DHX57: variants seen among roughly 807,000 people sequenced by gnomAD.
DHX57 encodes the protein putative ATP-dependent RNA helicase DHX57.
Under a neutral mutation model 156.2 loss-of-function variants are expected in DHX57, and 105 were observed. The ratio of observed to expected loss-of-function variants is 0.67; its 90% CI spans 0.57 to 0.79. DHX57 has a LOEUF of 0.79. DHX57 is among the 30% of genes least tolerant of loss of function. The pLI is 0.00. For synonymous variants in DHX57, 704 were observed against 595.6 expected (o/e 1.18, Z -2.65); for missense variants, 1,847 against 1,661.9 (o/e 1.11, Z -1.94).
chr2:38,826,581 A>G lies in DHX57; in HGVS notation c.2748T>C (p.Ala916=), dbSNP rs762561713. The change falls in exon 15 of 24, where the codon GCT becomes GCC. Residue 916 remains alanine (A), a synonymous_variant. Transcript: ENST00000457308. ...CATCATCGATGGTTATGGATGTCTC[A>G]GCAATGTTGGTGGAAATTATAATCT... ...VTKIIISTNI[A]ETSITIDDVV... 3 of 1,614,182 alleles carry G rather than the reference A, an allele frequency of 1.9e-6. No homozygotes were observed. The highest frequency in any genetic ancestry group is 1.7e-5 in the Admixed American group (1 of 60,016).
chr2:38,809,610 C>T (rs534660817), intron 21 of DHX57, among the ~76,000 whole-genome samples: 162 of 150,778 alleles, frequency 1.1e-3, no homozygotes, highest in African/African-American at 3.7e-3. Flanking sequence ...AACAGGCACC[C>T]GCCACCATGC....
chr2:38,834,200 G>C (rs1249371844), intron 13 of DHX57, among the ~76,000 whole-genome samples: 1 of 151,432 alleles, frequency 6.6e-6, no homozygotes, highest in Non-Finnish European at 1.5e-5. Flanking sequence ...GTGTGGTGGC[G>C]CATGCCTGTA....
At chr2:38,826,785 C>T in intron 14 of DHX57, 96 bp from the exon 15 acceptor site, 4 of 1,318,644 alleles carry the variant, frequency 3.0e-6, no homozygotes, top group Non-Finnish European at 1.0e-6. Context: ...AATATGACTT[C>T]AGGTATTAGC....
At position 38,821,419 on chromosome 2, in the gene DHX57, G is replaced by T. The variant is rs567356549; in HGVS notation, c.3291+1574C>A. Among the ~76,000 whole-genome samples, 41 of 152,276 alleles carry T rather than the reference G, an allele frequency of 2.7e-4. No homozygotes were observed. The South Asian group carries it at 7.5e-3, about 28-fold the overall frequency. ...TTGAAAAAAATTAATAAAACTGCCA[G>T]GCATGGTGGCTCACACCTGCAATCC... On this transcript the variant is annotated intron_variant, in intron 17 of 23. Transcript: ENST00000457308.
intron 13 of DHX57, among the ~76,000 whole-genome samples, chr2:38,835,320 T>A (rs563020142): frequency 6.6e-5 from 10 of 152,360 alleles, no homozygotes; most frequent in African/African-American, 2.2e-4. Flanking sequence ...GTTGGGTTCA[T>A]GATCAGCACT....
In DHX57 at chr2:38,862,161, C is replaced by T. The variant is rs1434442757; in HGVS notation, c.556G>A (p.Val186Met). The T allele has an allele frequency of 6.3e-7, 1 of 1,595,224 alleles. No individual in the cohort carries two copies. Among genetic ancestry groups the T allele is most frequent in the East Asian group, 2.2e-5 (1 of 44,576 alleles). Residue 186 changes from valine to methionine, a missense_variant, in exon 4 of 24, where the codon GTG (valine) becomes ATG (methionine). Coordinates refer to ENST00000457308, the MANE Select transcript of DHX57 (RefSeq NM_198963.3). ...AGCAATCACCTGGAAAGTTTTTGCA[C>T]TGCAAATGGGGAGACTGTAAATTCT... ...VPEFTVSPFA[V>M]QKLSRYGFNT...
chr2:38,811,075 G>A, intron 21 of DHX57: 1 of 581,798 alleles, frequency 1.7e-6, no homozygotes, highest in Non-Finnish European at 3.2e-6. Flanking sequence ...AAGGTGGTTG[G>A]TTCTTGGGGT....
chr2:38,836,641 G>T (rs909939555), intron 13 of DHX57, among the ~76,000 whole-genome samples: 2 of 151,936 alleles, frequency 1.3e-5, no homozygotes, highest in East Asian at 1.9e-4. Flanking sequence ...AGGCGTGGAG[G>T]TGCACACCTG....
chr2:38,829,062 C>A (rs1237133896), intron 13 of DHX57, among the ~76,000 whole-genome samples: 1 of 151,926 alleles, frequency 6.6e-6, no homozygotes, highest in Non-Finnish European at 1.5e-5. Flanking sequence ...CTACCTTAGC[C>A]TCCTGAGTAG....
intron 4 of DHX57, 32 bp from the exon 5 acceptor site, chr2:38,861,869 C>T (rs1673243278): frequency 1.9e-6 from 3 of 1,543,270 alleles, no homozygotes; most frequent in African/African-American, 2.8e-5. Context: ...AAAAATGACA[C>T]ATAAAAAGCA....
chr2:38,807,063 TG>T (rs201408790), intron 21 of DHX57, among the ~76,000 whole-genome samples: 1,605 of 147,762 alleles, frequency 0.011, 26 homozygotes, highest in East Asian at 0.059. Context: ...TGTTTTGTTT[TG>T]TTTTTTTTGA....
At chr2:38,816,525 G>C (rs1002989529) in intron 19 of DHX57, among the ~76,000 whole-genome samples, 2 of 152,262 alleles carry the variant, frequency 1.3e-5, no homozygotes, top group Non-Finnish European at 2.9e-5. Context: ...CATGGTTTAA[G>C]ATTGAGATGC....
rs548476982 is a variant in DHX57 at position 38,810,282 on chromosome 2, G to T, written c.3681+3539C>A. On this transcript the variant is annotated intron_variant, in intron 21 of 23. Coordinates refer to ENST00000457308, the MANE Select transcript of DHX57 (RefSeq NM_198963.3). ...ACCCTTCCCTTTGATGACCATTTCA[G>T]GGGGACCAGGGAACAAAGCTGGGGC... The T allele has an allele frequency of 1.6e-5, 4 of 254,788 alleles. No homozygotes were observed. In the South Asian group the frequency reaches 1.8e-4, roughly 12 times the overall value. 15.8% of individuals were successfully genotyped at this position (254,788 alleles called of 1,614,324 possible).
chr2:38,872,547 T>C (rs544366626), intron 1 of DHX57, among the ~76,000 whole-genome samples: 1 of 152,302 alleles, frequency 6.6e-6, no homozygotes, highest in African/African-American at 2.4e-5. Context: ...AAAGATGATC[T>C]TGCAAACAGC....
chr2:38,858,948 GA>G (rs1404623497), intron 5 of DHX57, 112 bp from the exon 6 acceptor site: 21 of 1,058,390 alleles, frequency 2.0e-5, no homozygotes, highest in Non-Finnish European at 2.8e-5. Context: ...GAGAAAAAGT[GA>G]AAACTTGAAT....
chr2:38,840,919 A>T lies in DHX57; in HGVS notation c.2425+2086T>A, dbSNP rs376497746. 3.3e-5 allele frequency among the ~76,000 whole-genome samples: 5 copies of T among 152,294 alleles called. No homozygotes were observed. The East Asian group carries it at 5.8e-4, about 18-fold the overall frequency. On this transcript the variant is annotated intron_variant, in intron 12 of 23. Coordinates refer to ENST00000457308, the MANE Select transcript of DHX57 (RefSeq NM_198963.3). Reference sequence around the variant, plus strand: ...CTGCAACCTTGAATCCCTTTGCTCAAGCAATCCTCCCGCCTCAGCCTCCTG... The same window carrying T: ...CTGCAACCTTGAATCCCTTTGCTCATGCAATCCTCCCGCCTCAGCCTCCTG...
rs562034935 is a variant in DHX57, at chr2:38,818,259, T to G, written c.3471+618A>C. 1.2e-4 allele frequency among the ~76,000 whole-genome samples: 19 copies of G among 152,098 alleles called. No individual in the cohort carries two copies. In the East Asian group the frequency reaches 1.7e-3, roughly 14 times the overall value. On this transcript the variant is annotated intron_variant, in intron 19 of 23. Coordinates refer to ENST00000457308, the MANE Select transcript of DHX57 (RefSeq NM_198963.3). ...ATGCCTGGTGTAGCCCGGTGTGGTG[T>G]CTCACACCTGTAATCCCAGCACTTT...
chr2:38,802,814 G>A lies in DHX57; in HGVS notation c.3918C>T (p.Val1306=), dbSNP rs375557227. ...CATTCACTTGGCCTCCTCCAAACAA[G>A]ACCAGCGGGTACACAGACACCATGC... ...DCSMVSVYPL[V]LFGGGQVNVQ... Residue 1306 remains valine, a synonymous_variant, in exon 23 of 24, where the codon GTC becomes GTT. Coordinates refer to ENST00000457308, the MANE Select transcript of DHX57 (RefSeq NM_198963.3). 4.3e-6 allele frequency: 7 copies of A among 1,613,942 alleles called. No homozygotes were observed. The African/African-American group carries it at 9.3e-5, about 22-fold the overall frequency.
At position 38,815,696 on chromosome 2, in the gene DHX57, T is replaced by TA. The variant is rs753667514; in HGVS notation, c.3472-42dup. The TA allele has an allele frequency of 1.9e-6, 3 of 1,613,226 alleles. No homozygotes were observed. In the South Asian group the frequency reaches 3.3e-5, roughly 18 times the overall value. On this transcript the variant is annotated intron_variant, in intron 19 of 23. Coordinates refer to ENST00000457308, the MANE Select transcript of DHX57 (RefSeq NM_198963.3). Reference sequence around the variant, plus strand: ...AAACCTTTAAGCAAGGGCATCAGCATAACAAAGTGTTAAGTCTTACAAAAA... The same window carrying TA: ...AAACCTTTAAGCAAGGGCATCAGCATAAACAAAGTGTTAAGTCTTACAAAAA...
Sources: gnomAD v4.1 joint callset for allele counts (sites outside exome capture counted in the v4.1 genomes callset) on GRCh38, gnomAD v4.1.1 for gene constraint, MANE v1.5 for transcripts, NCBI Gene and HGNC (gene_info 2026-07-23, HGNC 2026-07-21) for gene names.